SAMMSON: variants seen among roughly 807,000 people sequenced by gnomAD.
SAMMSON encodes survival associated mitochondrial melanoma specific oncogenic non-coding RNA.
intron 4 of SAMMSON, among the ~76,000 whole-genome samples, chr3:70,208,301 A>T (rs1701310828): frequency 6.6e-6 from 1 of 152,004 alleles, no homozygotes; most frequent in South Asian, 2.1e-4. Context: ...TGATAATACA[A>T]TTGGCAACCT....
intron 4 of SAMMSON, among the ~76,000 whole-genome samples, chr3:70,092,723 T>A (rs2067309201): frequency 1.3e-5 from 2 of 152,098 alleles, no homozygotes; most frequent in Admixed American, 6.6e-5. Flanking sequence ...CTTAATTTTT[T>A]AATTACCTGT....
At chr3:70,429,623 T>C (rs1559587936) in intron 2 of SAMMSON, among the ~76,000 whole-genome samples, 1 of 152,242 alleles carries the variant, frequency 6.6e-6, no homozygotes, top group Non-Finnish European at 1.5e-5. Flanking sequence ...ACCATTTGTT[T>C]GTGTCCTCTC....
chr3:70,209,677 T>G (rs1701324432), intron 4 of SAMMSON, among the ~76,000 whole-genome samples: 1 of 152,110 alleles, frequency 6.6e-6, no homozygotes, highest in Non-Finnish European at 1.5e-5. Flanking sequence ...CCTTTTCCCT[T>G]TTATATTATG....
chr3:70,192,058 C>G (rs1299503645), intron 4 of SAMMSON, among the ~76,000 whole-genome samples: 1 of 151,994 alleles, frequency 6.6e-6, no homozygotes, highest in African/African-American at 2.4e-5. Flanking sequence ...CTGGTCCACC[C>G]CTAACTATAT....
At chr3:70,357,831 C>A (rs1702841021) in intron 8 of SAMMSON, among the ~76,000 whole-genome samples, 1 of 152,068 alleles carries the variant, frequency 6.6e-6, no homozygotes, top group Non-Finnish European at 1.5e-5. Context: ...AAATTTATAT[C>A]CCTTTTATTT....
At chr3:70,183,657 A>G (rs139912333) in intron 4 of SAMMSON, 24 of 152,336 alleles carry the variant, frequency 1.6e-4, no homozygotes, top group African/African-American at 5.1e-4. Flanking sequence ...TGGGGTGTCC[A>G]AATTGTGACA....
At chr3:70,011,474 T>G (rs2066955308) in intron 1 of SAMMSON, among the ~76,000 whole-genome samples, 1 of 152,098 alleles carries the variant, frequency 6.6e-6, no homozygotes, top group Admixed American at 6.6e-5. Context: ...TATTAGTCAT[T>G]CAGAATGTGT....
chr3:70,345,728 T>C lies in SAMMSON; in HGVS notation n.740-8447T>C, dbSNP rs149313975. On this transcript the variant is annotated intron_variant and non_coding_transcript_variant, in intron 7 of 9. Transcript: ENST00000642114. The stretch of plus-strand genomic sequence containing the variant: ...TTGCCTATTCCAGAATATCATGCAA[T>C]TGGAATCATATAGTATGTAGCCTTT... Among the ~76,000 whole-genome samples, 688 of 151,238 alleles carry C rather than the reference T, an allele frequency of 4.5e-3. 1 individual carries two copies. Among genetic ancestry groups the C allele is most frequent in the Admixed American group, 0.01 (153 of 15,000 alleles).
intron 1 of SAMMSON, chr3:70,012,335 T>A (rs2107577356): frequency 6.6e-6 from 1 of 152,204 alleles, no homozygotes; most frequent in Non-Finnish European, 1.5e-5. Context: ...GTGAAGCATT[T>A]TTTTTTTTGT....
intron 4 of SAMMSON, among the ~76,000 whole-genome samples, chr3:70,098,607 T>C (rs1050025552): frequency 2.0e-5 from 3 of 152,080 alleles, no homozygotes; most frequent in Admixed American, 1.3e-4. Context: ...GACATTGTGA[T>C]CCACCCGCCT....
At chr3:70,413,953 C>T (rs1701242614) in intron 2 of SAMMSON, among the ~76,000 whole-genome samples, 1 of 151,914 alleles carries the variant, frequency 6.6e-6, no homozygotes, top group South Asian at 2.1e-4. Flanking sequence ...TCTAGCTAGT[C>T]CTTTTAAAAA....
At chr3:70,318,690 G>A (rs2106715496) in intron 7 of SAMMSON, among the ~76,000 whole-genome samples, 1 of 152,114 alleles carries the variant, frequency 6.6e-6, no homozygotes, top group South Asian at 2.1e-4. Flanking sequence ...AATATTTTTA[G>A]TTGTATGCTA....
At chr3:70,417,429 T>C (rs769979299) in intron 2 of SAMMSON, among the ~76,000 whole-genome samples, 1 of 152,200 alleles carries the variant, frequency 6.6e-6, no homozygotes, top group Non-Finnish European at 1.5e-5. Context: ...TGTACAATGG[T>C]ACTTGGAATT....
At chr3:70,035,127 C>T (rs557200204) in intron 3 of SAMMSON, among the ~76,000 whole-genome samples, 11 of 152,078 alleles carry the variant, frequency 7.2e-5, no homozygotes, top group South Asian at 2.1e-4. Context: ...GGATTCACTT[C>T]GGGCCCATCC....
intron 4 of SAMMSON, among the ~76,000 whole-genome samples, chr3:70,164,946 AT>A (rs2067631089): frequency 6.6e-6 from 1 of 152,064 alleles, no homozygotes; most frequent in South Asian, 2.1e-4. Context: ...GCGGCATAAT[AT>A]TTTGAAGAAA....
chr3:70,085,773 TAC>T (rs1352412946), intron 4 of SAMMSON, among the ~76,000 whole-genome samples: 1 of 152,216 alleles, frequency 6.6e-6, no homozygotes, highest in Non-Finnish European at 1.5e-5. Context: ...ACATTGCAGT[TAC>T]TATCAATTTC....
chr3:70,097,856 C>T (rs777951181), intron 4 of SAMMSON, among the ~76,000 whole-genome samples: 2 of 152,130 alleles, frequency 1.3e-5, no homozygotes, highest in African/African-American at 2.4e-5. Context: ...CTGGAATAAA[C>T]AAACCATTTC....
chr3:70,095,818 C>A (rs975525320), intron 4 of SAMMSON: 1 of 152,084 alleles, frequency 6.6e-6, no homozygotes, highest in African/African-American at 2.4e-5. Context: ...GCTTATCTAC[C>A]CCACTTCACT....
intron 1 of SAMMSON, among the ~76,000 whole-genome samples, chr3:70,000,102 C>T (rs933238798): frequency 6.6e-6 from 1 of 152,200 alleles, no homozygotes; most frequent in African/African-American, 2.4e-5. Flanking sequence ...TCCAATTGAG[C>T]TAACACAAGC....
Sources: gnomAD v4.1 joint callset for allele counts (sites outside exome capture counted in the v4.1 genomes callset) on GRCh38, gnomAD v4.1.1 for gene constraint, MANE v1.5 for transcripts, NCBI Gene and HGNC (gene_info 2026-07-23, HGNC 2026-07-21) for gene names.